AGPAT4: variants seen among roughly 807,000 people sequenced by gnomAD.
AGPAT4 encodes the protein 1-acylglycerol-3-phosphate O-acyltransferase 4.
In AGPAT4, 15 loss-of-function variants were observed where a neutral mutation model predicts 48.0. The ratio of observed to expected loss-of-function variants is 0.31; its 90% CI spans 0.21 to 0.48. The LOEUF is 0.48. Among genes scored for constraint, AGPAT4 ranks in the 20% least tolerant of loss-of-function variants. The pLI is 0.99. For synonymous variants in AGPAT4, 178 were observed against 198.7 expected, an observed-to-expected ratio of 0.90 and a Z score of 0.88; for missense variants, 314 against 482.5, an observed-to-expected ratio of 0.65 and a Z score of 3.27.
At chr6:161,188,246 C>CT (rs1335352499) in intron 2 of AGPAT4, among the ~76,000 whole-genome samples, 1 of 152,186 alleles carries the variant, frequency 6.6e-6, no homozygotes, top group Non-Finnish European at 1.5e-5. Flanking sequence ...ACATTGATTG[C>CT]TTCCATATCT....
intron 2 of AGPAT4, among the ~76,000 whole-genome samples, chr6:161,213,456 G>A (rs1212545189): frequency 1.3e-5 from 2 of 152,002 alleles, no homozygotes; most frequent in Admixed American, 6.6e-5. Context: ...TCTACAGTTT[G>A]GACTGAATTC....
At position 161,137,058 on chromosome 6, in the gene AGPAT4, A is replaced by T. The variant is rs1779090623; in HGVS notation, c.1043-424T>A. Among the ~76,000 whole-genome samples, 1 of 152,232 alleles carries T rather than the reference A, an allele frequency of 6.6e-6. No homozygotes were observed. Among genetic ancestry groups the T allele is most frequent in the Non-Finnish European group, 1.5e-5 (1 of 68,040 alleles). On this transcript the variant is annotated intron_variant, in intron 8 of 8. Transcript: ENST00000320285. The surrounding 1 kb of genome is among the most constrained non-coding windows in gnomAD (Gnocchi z 6.1). ...GCCTGGAAGACGCAAGAGCTCGAGT[A>T]TCGAGTGCCCAACACGTTTCAGCAC...
rs772067285 is a variant in AGPAT4, at chr6:161,139,890, G to A, written c.844-270C>T. ...CAGGGCGTGGAGCATGAACCCTGGC[G>A]CCAGGCCAGCCTGGGCTAGGATCCA... On this transcript the variant is annotated intron_variant, in intron 7 of 8. Coordinates refer to ENST00000320285, the MANE Select transcript of AGPAT4 (RefSeq NM_020133.3). This position sits in a 1 kb window ranked among gnomAD's most constrained non-coding sequence, Gnocchi z 9.1. 2.0e-4 allele frequency among the ~76,000 whole-genome samples: 30 copies of A among 152,356 alleles called. No individual in the cohort carries two copies. Among genetic ancestry groups the A allele is most frequent in the Non-Finnish European group, 4.0e-4 (27 of 68,028 alleles).
rs1778922607 is a variant in AGPAT4, at chr6:161,132,219, A to ATTGT, written c.*4317_*4320dup. On this transcript the variant is annotated 3_prime_UTR_variant, in exon 9 of 9. Coordinates refer to ENST00000320285, the MANE Select transcript of AGPAT4 (RefSeq NM_020133.3). ...TGGCCAAACAAAAAAAGTTCAAAAA[A>ATTGT]TTGTTTTCAATTAAATTTCTGAAGA... 6.6e-6 allele frequency: 1 copy of ATTGT among 152,246 alleles called. No homozygotes were observed. Among genetic ancestry groups the ATTGT allele is most frequent in the African/African-American group, 2.4e-5 (1 of 41,464 alleles). 9.4% of individuals were successfully genotyped at this position (152,246 alleles called of 1,614,324 possible). A position where few individuals can be genotyped will look rare whatever the true frequency, so the allele number is the denominator to read the frequency against.
chr6:161,272,741 C>CA lies in AGPAT4; in HGVS notation c.-90+1196dup. 6.7e-6 allele frequency among the ~76,000 whole-genome samples: 1 copy of CA among 150,300 alleles called. No homozygotes were observed. The highest frequency in any genetic ancestry group is 2.1e-4 in the South Asian group (1 of 4,652). ...ACACACACACACACACAAACACACA[C>CA]ATTCTCCCTTCTCTCAAGATACTTT... On this transcript the variant is annotated intron_variant, in intron 1 of 8. Coordinates refer to ENST00000320285, the MANE Select transcript of AGPAT4 (RefSeq NM_020133.3). This position sits in a 1 kb window ranked among gnomAD's most constrained non-coding sequence, Gnocchi z 4.2.
intron 2 of AGPAT4, among the ~76,000 whole-genome samples, chr6:161,213,020 T>G (rs1781557875): frequency 6.6e-6 from 1 of 151,992 alleles, no homozygotes; most frequent in African/African-American, 2.4e-5. Flanking sequence ...AAAACTGGCC[T>G]CATACCTTTG....
intron 1 of AGPAT4, among the ~76,000 whole-genome samples, chr6:161,257,001 C>T (rs1582914425): frequency 6.6e-6 from 1 of 152,116 alleles, no homozygotes; most frequent in Non-Finnish European, 1.5e-5. Context: ...AGCCAGTGGG[C>T]GTGGAGGCAG....
At chr6:161,256,615 A>G (rs764368745) in intron 1 of AGPAT4, among the ~76,000 whole-genome samples, 1 of 152,206 alleles carries the variant, frequency 6.6e-6, no homozygotes, top group African/African-American at 2.4e-5. Context: ...CGGAGCTGAC[A>G]CGTCCTCCCT....
rs6940767 is a variant in AGPAT4 at position 161,226,448 on chromosome 6, A to G, written c.178+5588T>C. Among the ~76,000 whole-genome samples the G allele has an allele frequency of 3.8e-3, 580 of 152,312 alleles. 4 individuals carry two copies. Among genetic ancestry groups the G allele is most frequent in the African/African-American group, 0.013 (557 of 41,574 alleles). ...CTCTCAAGGTCATGCAGGGGTTGGA[A>G]AAGCCACAGCGACACTCTCTTTGGG... On this transcript the variant is annotated intron_variant, in intron 2 of 8. Transcript: ENST00000320285. The surrounding 1 kb of genome is among the most constrained non-coding windows in gnomAD (Gnocchi z 6.3).
In AGPAT4 at chr6:161,154,074, G is replaced by A. The variant is rs927203154; in HGVS notation, c.510+75C>T. ...AGGACCACACAGTCACGTGTCCTGT[G>A]GAAGTCACATGGGGGTCCCACGGTC... On this transcript the variant is annotated intron_variant, in intron 4 of 8. Transcript: ENST00000320285. The surrounding 1 kb of genome is among the most constrained non-coding windows in gnomAD (Gnocchi z 7.8). 6.3e-7 allele frequency: 1 copy of A among 1,593,810 alleles called. No individual in the cohort carries two copies. Among genetic ancestry groups the A allele is most frequent in the East Asian group, 2.2e-5 (1 of 44,700 alleles).
rs1215627109 is a variant in AGPAT4 at position 161,267,407 on chromosome 6, C to T, written c.-90+6531G>A. On this transcript the variant is annotated intron_variant, in intron 1 of 8. Transcript: ENST00000320285. The surrounding 1 kb of genome is among the most constrained non-coding windows in gnomAD (Gnocchi z 5.2). The stretch of plus-strand genomic sequence containing the variant: ...GAGGTCTACACGGTAGAGATTTGTT[C>T]ATTATTTGAAAAATATTAGCTGGGG... Among the ~76,000 whole-genome samples, 2 of 152,076 alleles carry T rather than the reference C, an allele frequency of 1.3e-5. No homozygotes were observed. The highest frequency in any genetic ancestry group is 2.4e-5 in the African/African-American group (1 of 41,416).
rs10585542 is a variant in AGPAT4, at chr6:161,203,381, C to CTTTTTTTTT, written c.178+28646_178+28654dup. Among the ~76,000 whole-genome samples, 6 of 110,796 alleles carry CTTTTTTTTT rather than the reference C, an allele frequency of 5.4e-5. 1 individual carries two copies. The highest frequency in any genetic ancestry group is 5.8e-4 in the East Asian group (2 of 3,478). 72.7% of individuals were successfully genotyped at this position (110,796 alleles called of 152,430 possible). A position where few individuals can be genotyped will look rare whatever the true frequency, so the allele number is the denominator to read the frequency against. On this transcript the variant is annotated intron_variant, in intron 2 of 8. Transcript: ENST00000320285. ...TTGTGGGAGAGTGTTCTTTTTCTTT[C>CTTTTTTTTT]TTTTTTTTTTTTTTTTTTTTTTTTG...
At position 161,131,915 on chromosome 6, in the gene AGPAT4, T is replaced by G. The variant is rs1778912978; in HGVS notation, c.*4625A>C. 1 of 152,186 alleles carries G rather than the reference T, an allele frequency of 6.6e-6. No homozygotes were observed. Among genetic ancestry groups the G allele is most frequent in the African/African-American group, 2.4e-5 (1 of 41,424 alleles). 9.4% of individuals were successfully genotyped at this position (152,186 alleles called of 1,614,324 possible). A position where few individuals can be genotyped will look rare whatever the true frequency, so the allele number is the denominator to read the frequency against. ...AGGTCAAAACCCTGGAGTATTTGGTTTGTGTTTAAATGTACTTGACACTCT... is the reference window on the plus strand; with the variant it reads ...AGGTCAAAACCCTGGAGTATTTGGTGTGTGTTTAAATGTACTTGACACTCT... On this transcript the variant is annotated 3_prime_UTR_variant, in exon 9 of 9. Transcript: ENST00000320285.
rs73786004 is a variant in AGPAT4 at position 161,134,422 on chromosome 6, C to T, written c.*2118G>A. ...TGAGAAAAATAACACATTTTTAGTACGACAAGAAAATTTCTGAGCATTTTT... is the reference window on the plus strand; with the variant it reads ...TGAGAAAAATAACACATTTTTAGTATGACAAGAAAATTTCTGAGCATTTTT... On this transcript the variant is annotated 3_prime_UTR_variant, in exon 9 of 9. Coordinates refer to ENST00000320285, the MANE Select transcript of AGPAT4 (RefSeq NM_020133.3). 6.6e-6 allele frequency: 1 copy of T among 152,246 alleles called. No homozygotes were observed. 9.4% of individuals were successfully genotyped at this position (152,246 alleles called of 1,614,324 possible). A position where few individuals can be genotyped will look rare whatever the true frequency, so the allele number is the denominator to read the frequency against.
rs1778974873 is a variant in AGPAT4, at chr6:161,133,681, C to CA, written c.*2858dup. Reference sequence around the variant, plus strand: ...AGGAGTCGCCTAGGATATGGCCCGTCACGTCTGGGGATGACCCTGCACTGC... The same window carrying CA: ...AGGAGTCGCCTAGGATATGGCCCGTCAACGTCTGGGGATGACCCTGCACTGC... On this transcript the variant is annotated 3_prime_UTR_variant, in exon 9 of 9. Coordinates refer to ENST00000320285, the MANE Select transcript of AGPAT4 (RefSeq NM_020133.3). 6.6e-6 allele frequency: 1 copy of CA among 152,222 alleles called. No individual in the cohort carries two copies. Among genetic ancestry groups the CA allele is most frequent in the African/African-American group, 2.4e-5 (1 of 41,448 alleles). 9.4% of individuals were successfully genotyped at this position (152,222 alleles called of 1,614,324 possible).
In AGPAT4 at chr6:161,217,092, C is replaced by T. The variant is rs16892317; in HGVS notation, c.178+14944G>A. Among the ~76,000 whole-genome samples, 4,109 of 152,274 alleles carry T rather than the reference C, an allele frequency of 0.027. 208 individuals carry two copies. Among genetic ancestry groups the T allele is most frequent in the African/African-American group, 0.095 (3,931 of 41,532 alleles). On this transcript the variant is annotated intron_variant, in intron 2 of 8. Coordinates refer to ENST00000320285, the MANE Select transcript of AGPAT4 (RefSeq NM_020133.3). This position sits in a 1 kb window ranked among gnomAD's most constrained non-coding sequence, Gnocchi z 4.9. Reference sequence around the variant, plus strand: ...CCGTTTAGGTGTTTTATCATTAGGGCCTGACTCCGCGTTTCAGCAATGAAA... The same window carrying T: ...CCGTTTAGGTGTTTTATCATTAGGGTCTGACTCCGCGTTTCAGCAATGAAA...
At position 161,130,949 on chromosome 6, in the gene AGPAT4, C is replaced by T; in HGVS notation, c.*5591G>A. 1 of 517,944 alleles carries T rather than the reference C, an allele frequency of 1.9e-6. No homozygotes were observed. 32.1% of individuals were successfully genotyped at this position (517,944 alleles called of 1,614,324 possible). Reference sequence around the variant, plus strand: ...ATGTCCTAGAATGTTTGGCAAAGATCTGGCTAAAACTAGTACTATGGAATA... The same window carrying T: ...ATGTCCTAGAATGTTTGGCAAAGATTTGGCTAAAACTAGTACTATGGAATA... On this transcript the variant is annotated 3_prime_UTR_variant, in exon 9 of 9. Transcript: ENST00000320285.
At position 161,149,336 on chromosome 6, in the gene AGPAT4, C is replaced by G. The variant is rs1562313090; in HGVS notation, c.665-47G>C. The G allele has an allele frequency of 1.3e-6, 2 of 1,534,994 alleles. No individual in the cohort carries two copies. Among genetic ancestry groups the G allele is most frequent in the East Asian group, 2.3e-5 (1 of 43,480 alleles). On this transcript the variant is annotated intron_variant, in intron 5 of 8. Coordinates refer to ENST00000320285, the MANE Select transcript of AGPAT4 (RefSeq NM_020133.3). This position sits in a 1 kb window ranked among gnomAD's most constrained non-coding sequence, Gnocchi z 6.5. ...CAAAGCAGTATATAGCGTGTGAACC[C>G]AATTTTGTTCTGTAGATACACACAT...
chr6:161,152,279 G>A (rs181197867), intron 5 of AGPAT4, among the ~76,000 whole-genome samples: 9 of 150,534 alleles, frequency 6.0e-5, no homozygotes, highest in Non-Finnish European at 1.2e-4. Flanking sequence ...CTAAGGGCAG[G>A]GCAGGCACAC....
Sources: gnomAD v4.1 joint callset for allele counts (sites outside exome capture counted in the v4.1 genomes callset) on GRCh38, gnomAD v4.1.1 for gene constraint, Gnocchi (gnomAD v3.1) non-coding constraint, MANE v1.5 for transcripts, NCBI Gene and HGNC (gene_info 2026-07-23, HGNC 2026-07-21) for gene names.